SNX13: variants seen among roughly 807,000 people sequenced by gnomAD.
SNX13 encodes the protein sorting nexin-13.
A neutral mutation model predicts 133.6 loss-of-function variants in SNX13; 45 were observed. The ratio of observed to expected loss-of-function variants is 0.34; its 90% CI spans 0.27 to 0.43. SNX13 has a LOEUF of 0.43. Ranked by LOEUF, SNX13 falls within the 20% of genes least tolerant of loss-of-function variation. SNX13 has a pLI of 1.00. For synonymous variants in SNX13, 414 were observed against 373.9 expected, an observed-to-expected ratio of 1.11 and a Z score of -1.24; for missense variants, 1,032 against 1,145.1, an observed-to-expected ratio of 0.90 and a Z score of 1.43.
intron 18 of SNX13, among the ~76,000 whole-genome samples, chr7:17,818,340 A>C (rs1464145416): frequency 6.6e-6 from 1 of 152,190 alleles, no homozygotes; most frequent in African/African-American, 2.4e-5. Context: ...TAAAATATTA[A>C]ACCTTACTAA....
intron 1 of SNX13, among the ~76,000 whole-genome samples, chr7:17,938,089 G>C (rs1291532342): frequency 6.6e-6 from 1 of 152,142 alleles, no homozygotes; most frequent in Non-Finnish European, 1.5e-5. Context: ...CCAATATTGA[G>C]TGAAATTTTA....
chr7:17,804,397 T>C (rs1210304160), intron 20 of SNX13, among the ~76,000 whole-genome samples: 1 of 152,082 alleles, frequency 6.6e-6, no homozygotes. Context: ...TTAGAATACA[T>C]TATATGTGCA....
At chr7:17,808,499 G>A (rs186558645) in intron 20 of SNX13, among the ~76,000 whole-genome samples, 107 of 152,278 alleles carry the variant, frequency 7.0e-4, no homozygotes, top group African/African-American at 2.4e-3. Context: ...TGAAAGTGAC[G>A]GGGAGAATGG....
At chr7:17,892,477 G>A (rs1244270843) in intron 3 of SNX13, among the ~76,000 whole-genome samples, 2 of 149,066 alleles carry the variant, frequency 1.3e-5, no homozygotes, top group East Asian at 1.9e-4. Context: ...AAAAAGGAAA[G>A]GTTAATTTCC....
At chr7:17,813,447 G>T (rs2691591) in intron 20 of SNX13, among the ~76,000 whole-genome samples, 143,429 of 152,312 alleles carry the variant, frequency 0.94, 67,620 homozygotes, top group African/African-American at 0.98. Flanking sequence ...ATTATTAAAA[G>T]AAAACACTAA....
chr7:17,805,751 T>C (rs1220788581), intron 20 of SNX13, among the ~76,000 whole-genome samples: 3 of 152,208 alleles, frequency 2.0e-5, no homozygotes, highest in Admixed American at 2.0e-4. Flanking sequence ...AAAGTAAATC[T>C]ATATAATGAA....
intron 1 of SNX13, among the ~76,000 whole-genome samples, chr7:17,901,973 T>C (rs745934775): frequency 7.9e-5 from 12 of 152,212 alleles, no homozygotes; most frequent in Non-Finnish European, 1.5e-4. Context: ...ACAAATCATA[T>C]CTTTCACAAT....
At chr7:17,806,983 T>C (rs1785374611) in intron 20 of SNX13, among the ~76,000 whole-genome samples, 1 of 152,154 alleles carries the variant, frequency 6.6e-6, no homozygotes, top group Admixed American at 6.5e-5. Flanking sequence ...TTTCCTCCGG[T>C]GCCTCCGCCA....
intron 9 of SNX13, among the ~76,000 whole-genome samples, chr7:17,853,260 ATAAAGT>A (rs1292936304): frequency 6.6e-6 from 1 of 152,336 alleles, no homozygotes. Flanking sequence ...CAATAAGCAA[ATAAAGT>A]TAAAGAGGTA....
Position 17,875,535 on chromosome 7 carries a change from T to C in SNX13, c.609A>G (p.Glu203=), listed in dbSNP as rs764823665. 1 of 1,610,684 alleles carries C rather than the reference T, an allele frequency of 6.2e-7. No individual in the cohort carries two copies. ...LVDTFFEVEV[E]MEKEVCRDLV... ...GATCACGGCAAACCTCCTTCTCCATTTCAACTTCAACTTCAAAGAAGGTAT... is the reference window on the plus strand; with the variant it reads ...GATCACGGCAAACCTCCTTCTCCATCTCAACTTCAACTTCAAAGAAGGTAT... The change falls in exon 7 of 26, where the codon GAA becomes GAG. Residue 203 remains glutamate (E), a synonymous_variant. Transcript: ENST00000428135.
intron 1 of SNX13, among the ~76,000 whole-genome samples, chr7:17,932,687 G>A (rs2128049527): frequency 6.6e-6 from 1 of 152,284 alleles, no homozygotes; most frequent in Non-Finnish European, 1.5e-5. Context: ...GGTGGGAACA[G>A]CAGGATCAAG....
At chr7:17,903,300 T>C (rs986727023) in intron 1 of SNX13, among the ~76,000 whole-genome samples, 1 of 152,152 alleles carries the variant, frequency 6.6e-6, no homozygotes, top group Non-Finnish European at 1.5e-5. Context: ...ACCAAAACTG[T>C]TTAGAAGGAA....
chr7:17,895,347 G>A (rs1797088834), intron 2 of SNX13, among the ~76,000 whole-genome samples: 1 of 152,104 alleles, frequency 6.6e-6, no homozygotes, highest in South Asian at 2.1e-4. Context: ...TAAGATGAAA[G>A]TATCCTACAA....
intron 10 of SNX13, 56 bp downstream of exon 10, chr7:17,850,770 T>A: frequency 7.5e-7 from 1 of 1,336,058 alleles, no homozygotes; most frequent in East Asian, 2.7e-5. Context: ...AATCAAAGTT[T>A]TGAAGATAAA....
chr7:17,806,641 TA>T lies in SNX13; in HGVS notation c.2065-3062del, dbSNP rs890199049. Among the ~76,000 whole-genome samples the T allele has an allele frequency of 2.6e-3, 384 of 146,522 alleles. 3 individuals are homozygous for T. The highest frequency in any genetic ancestry group is 0.013 in the East Asian group (65 of 5,048). On this transcript the variant is annotated intron_variant, in intron 20 of 25. Transcript: ENST00000428135. The stretch of plus-strand genomic sequence containing the variant: ...AAGATAGGTAGACGCCATTATTAAT[TA>T]AAAAAAAAAAGTGAGTGGCTGGCAA...
At chr7:17,806,231 A>C (rs1785280220) in intron 20 of SNX13, among the ~76,000 whole-genome samples, 1 of 152,136 alleles carries the variant, frequency 6.6e-6, no homozygotes, top group South Asian at 2.1e-4. Context: ...ACAAAACTGG[A>C]TAGAAAGATA....
chr7:17,876,888 C>T (rs1443486366), intron 5 of SNX13, among the ~76,000 whole-genome samples: 1 of 151,108 alleles, frequency 6.6e-6, no homozygotes, highest in Admixed American at 6.6e-5. Context: ...TTAATTCACC[C>T]AGGAACATAC....
chr7:17,926,090 T>C (rs1170272951), intron 1 of SNX13, among the ~76,000 whole-genome samples: 3 of 151,878 alleles, frequency 2.0e-5, no homozygotes, highest in East Asian at 3.9e-4. Context: ...TGAGCTATAA[T>C]AACAACAAAA....
At chr7:17,851,189 G>A (rs1160698727) in intron 9 of SNX13, among the ~76,000 whole-genome samples, 2 of 152,190 alleles carry the variant, frequency 1.3e-5, no homozygotes, top group East Asian at 1.9e-4. Flanking sequence ...ATAGGAACAT[G>A]CTCACAGTAT....
Sources: gnomAD v4.1 joint callset for allele counts (sites outside exome capture counted in the v4.1 genomes callset) on GRCh38, gnomAD v4.1.1 for gene constraint, MANE v1.5 for transcripts, NCBI Gene and HGNC (gene_info 2026-07-23, HGNC 2026-07-21) for gene names.